Variants in RSRC1 observed in about 807,000 individuals in gnomAD.
The protein encoded by RSRC1 is arginine and serine rich coiled-coil 1, also known as serine/Arginine-related protein 53.
A neutral mutation model predicts 49.1 loss-of-function variants in RSRC1; 39 were observed. The ratio of observed to expected loss-of-function variants is 0.79; its 90% CI spans 0.61 to 1.04. The LOEUF is 1.04. Ranked by LOEUF, RSRC1 falls within the 50% of genes least tolerant of loss-of-function variation. The pLI is 0.00. For synonymous variants in RSRC1, 143 were observed against 130.8 expected (o/e 1.09, Z -0.63); for missense variants, 388 against 402.4 (o/e 0.96, Z 0.31).
chr3:158,235,980 G>A (rs570769000), intron 4 of RSRC1, among the ~76,000 whole-genome samples: 1 of 152,190 alleles, frequency 6.6e-6, no homozygotes, highest in African/African-American at 2.4e-5. Flanking sequence ...GCCGGGTATG[G>A]TGGTGTATGT....
intron 4 of RSRC1, among the ~76,000 whole-genome samples, chr3:158,232,627 C>T (rs1723031610): frequency 6.6e-6 from 1 of 152,110 alleles, no homozygotes; most frequent in Non-Finnish European, 1.5e-5. Context: ...ATTATAACAC[C>T]TGCTCAATAT....
chr3:158,264,260 T>C (rs1482238343), intron 4 of RSRC1, among the ~76,000 whole-genome samples: 1 of 152,198 alleles, frequency 6.6e-6, no homozygotes. Flanking sequence ...TAATTTTCCT[T>C]TGATTTGTTC....
At chr3:158,300,907 A>G (rs989257520) in intron 5 of RSRC1, among the ~76,000 whole-genome samples, 2 of 152,200 alleles carry the variant, frequency 1.3e-5, no homozygotes, top group Admixed American at 6.5e-5. Flanking sequence ...ATATGTTTAT[A>G]TACTTTTCTT....
chr3:158,414,743 G>T (rs934236087), intron 6 of RSRC1, among the ~76,000 whole-genome samples: 3 of 151,804 alleles, frequency 2.0e-5, no homozygotes, highest in Non-Finnish European at 4.4e-5. Context: ...AATAAGTTTG[G>T]TAATTATCCA....
rs1729650733 is a variant in RSRC1 at position 158,333,063 on chromosome 3, G to A, written c.532-21794G>A. On this transcript the variant is annotated intron_variant, in intron 5 of 9. Coordinates refer to ENST00000611884, the MANE Select transcript of RSRC1 (RefSeq NM_001271838.2). ...GGCTCACTGCAAGCTCCGCCTCCCG[G>A]GTTCACGCCATTCGCCTGCCTCAGC... Among the ~76,000 whole-genome samples the A allele has an allele frequency of 2.0e-5, 3 of 151,856 alleles. No individual in the cohort carries two copies. The South Asian group carries it at 6.2e-4, about 32-fold the overall frequency.
chr3:158,531,522 G>A (rs1474070804), intron 7 of RSRC1, among the ~76,000 whole-genome samples: 5 of 151,868 alleles, frequency 3.3e-5, no homozygotes, highest in Admixed American at 1.3e-4. Flanking sequence ...CTTGGATCCC[G>A]TCCAAAGTGG....
chr3:158,113,011 A>G (rs1327980029), intron 1 of RSRC1, among the ~76,000 whole-genome samples: 2 of 152,144 alleles, frequency 1.3e-5, no homozygotes, highest in East Asian at 1.9e-4. Context: ...TCTGTGATGT[A>G]TATGTACCAC....
intron 5 of RSRC1, among the ~76,000 whole-genome samples, chr3:158,328,333 G>A (rs1305659323): frequency 6.6e-6 from 1 of 152,158 alleles, no homozygotes; most frequent in Non-Finnish European, 1.5e-5. Context: ...AGCATCGATG[G>A]TCTTTACAAT....
chr3:158,345,794 T>TA (rs1313009644), intron 5 of RSRC1, among the ~76,000 whole-genome samples: 6 of 135,870 alleles, frequency 4.4e-5, no homozygotes, highest in African/African-American at 1.3e-4. Context: ...TATATACACA[T>TA]ATATATGTAT....
intron 4 of RSRC1, among the ~76,000 whole-genome samples, chr3:158,206,700 G>A (rs1252591217): frequency 6.6e-6 from 1 of 152,078 alleles, no homozygotes; most frequent in Admixed American, 6.6e-5. Context: ...GATCACCTGA[G>A]GTCAGGAGTT....
At chr3:158,198,474 A>T (rs1235699571) in intron 3 of RSRC1, among the ~76,000 whole-genome samples, 1 of 152,130 alleles carries the variant, frequency 6.6e-6, no homozygotes, top group African/African-American at 2.4e-5. Flanking sequence ...TAATTGGAGC[A>T]TTTAGCCCAT....
At chr3:158,270,399 G>A (rs1725443042) in intron 4 of RSRC1, among the ~76,000 whole-genome samples, 1 of 152,160 alleles carries the variant, frequency 6.6e-6, no homozygotes, top group Non-Finnish European at 1.5e-5. Flanking sequence ...ACCCTGTATG[G>A]GGACTGATTC....
chr3:158,149,249 T>G (rs1012432464), intron 3 of RSRC1, among the ~76,000 whole-genome samples: 2 of 152,136 alleles, frequency 1.3e-5, no homozygotes, highest in Non-Finnish European at 2.9e-5. Flanking sequence ...GATATTTCTA[T>G]TTTAGCTTTA....
chr3:158,199,798 G>T (rs1720922109), intron 3 of RSRC1, among the ~76,000 whole-genome samples: 1 of 151,882 alleles, frequency 6.6e-6, no homozygotes, highest in South Asian at 2.1e-4. Context: ...GGATTATTTG[G>T]TTTCCATATA....
At position 158,127,421 on chromosome 3, in the gene RSRC1, T is replaced by C. The variant is rs558194012; in HGVS notation, c.320+3430T>C. 8.7e-4 allele frequency among the ~76,000 whole-genome samples: 133 copies of C among 152,182 alleles called. 1 individual carries two copies. The highest frequency in any genetic ancestry group is 1.6e-3 in the Non-Finnish European group (106 of 68,002). ...AATTTTGAATTGACCTTTCTTTGTGTTTTCTGATTTTATTCTTCTGCTTGA... is the reference window on the plus strand; with the variant it reads ...AATTTTGAATTGACCTTTCTTTGTGCTTTCTGATTTTATTCTTCTGCTTGA... On this transcript the variant is annotated intron_variant, in intron 3 of 9. Coordinates refer to ENST00000611884, the MANE Select transcript of RSRC1 (RefSeq NM_001271838.2).
chr3:158,330,272 A>G (rs1729470464), intron 5 of RSRC1, among the ~76,000 whole-genome samples: 1 of 152,124 alleles, frequency 6.6e-6, no homozygotes, highest in South Asian at 2.1e-4. Context: ...CCCCAGTGAG[A>G]TTTCCTCAGT....
intron 7 of RSRC1, among the ~76,000 whole-genome samples, chr3:158,510,717 C>T (rs1740112273): frequency 6.6e-6 from 1 of 151,996 alleles, no homozygotes; most frequent in African/African-American, 2.4e-5. Context: ...TATAGTTAGC[C>T]TGTTGTGCTA....
At chr3:158,467,973 G>A (rs1011156216) in intron 7 of RSRC1, among the ~76,000 whole-genome samples, 4 of 152,156 alleles carry the variant, frequency 2.6e-5, no homozygotes, top group Non-Finnish European at 5.9e-5. Flanking sequence ...TCGCTCTGTC[G>A]CCCAGGCTGG....
Position 158,390,369 on chromosome 3 carries a change from G to T in RSRC1, c.583+35461G>T, listed in dbSNP as rs557012510. Reference sequence around the variant, plus strand: ...GCCAGGGCCCAATCTGAATGGAGAAGTTGGACAATCAAGAAAGTAGGACTG... The same window carrying T: ...GCCAGGGCCCAATCTGAATGGAGAATTTGGACAATCAAGAAAGTAGGACTG... On this transcript the variant is annotated intron_variant, in intron 6 of 9. Transcript: ENST00000611884. Among the ~76,000 whole-genome samples the T allele has an allele frequency of 5.3e-5, 8 of 152,312 alleles. No homozygotes were observed. In the East Asian group the frequency reaches 1.3e-3, roughly 26 times the overall value.
Sources: allele counts gnomAD v4.1 joint callset (sites outside exome capture counted in the v4.1 genomes callset), GRCh38; gene constraint gnomAD v4.1.1; transcripts MANE v1.5; gene names NCBI Gene and HGNC (gene_info 2026-07-23, HGNC 2026-07-21).